The following OSBPL10 variants were observed in gnomAD, a reference collection of about 807,000 sequenced individuals.
OSBPL10 encodes the protein oxysterol binding protein like 10.
OSBPL10 carries 49 observed loss-of-function variants against 81.7 expected under a neutral mutation model. That is an observed-to-expected ratio of 0.60 (90% CI 0.48 to 0.76). The LOEUF is 0.76. Ranked by LOEUF, OSBPL10 falls within the 30% of genes least tolerant of loss-of-function variation. The pLI, the probability that OSBPL10 is intolerant of heterozygous loss-of-function variation, is 0.00. For synonymous variants in OSBPL10, 419 were observed against 383.6 expected (o/e 1.09, Z -1.08); for missense variants, 923 against 987.8 (o/e 0.93, Z 0.88).
intron 7 of OSBPL10, among the ~76,000 whole-genome samples, chr3:31,699,051 T>C (rs1695812340): frequency 6.6e-6 from 1 of 152,228 alleles, no homozygotes; most frequent in African/African-American, 2.4e-5. Flanking sequence ...AAATACATGT[T>C]ACATGAGTGA....
chr3:31,910,351 G>A (rs1696538318), intron 1 of OSBPL10, among the ~76,000 whole-genome samples: 1 of 151,970 alleles, frequency 6.6e-6, no homozygotes, highest in African/African-American at 2.4e-5. Context: ...TCAGAGTCAG[G>A]GGGCCGGGCG....
intron 4 of OSBPL10, among the ~76,000 whole-genome samples, chr3:31,810,415 G>C (rs2125474343): frequency 6.6e-6 from 1 of 151,700 alleles, no homozygotes; most frequent in East Asian, 1.9e-4. Flanking sequence ...AATAATCTTA[G>C]AGTGAAAAAA....
intron 4 of OSBPL10, among the ~76,000 whole-genome samples, chr3:31,767,457 T>C (rs1698234770): frequency 6.6e-6 from 1 of 152,222 alleles, no homozygotes; most frequent in Non-Finnish European, 1.5e-5. Context: ...CTTGAATTCC[T>C]GTCAGGTTAC....
At chr3:31,788,881 AAAT>A (rs1159576701) in intron 4 of OSBPL10, among the ~76,000 whole-genome samples, 1 of 152,230 alleles carries the variant, frequency 6.6e-6, no homozygotes, top group South Asian at 2.1e-4. Context: ...GAGGAAGAAA[AAAT>A]AAAACTCACC....
chr3:31,946,560 G>A (rs1285595849), intron 1 of OSBPL10, among the ~76,000 whole-genome samples: 3 of 152,186 alleles, frequency 2.0e-5, no homozygotes, highest in Non-Finnish European at 2.9e-5. Context: ...GGCGGACAGC[G>A]TGTGAACAGA....
chr3:31,786,274 A>G (rs570641009), intron 4 of OSBPL10, among the ~76,000 whole-genome samples: 7 of 152,318 alleles, frequency 4.6e-5, no homozygotes, highest in African/African-American at 1.4e-4. Context: ...TTTGGCCATG[A>G]AGCTTTCATT....
At chr3:32,022,007 T>C (rs1307535954) in intron 2 of OSBPL10, among the ~76,000 whole-genome samples, 1 of 151,956 alleles carries the variant, frequency 6.6e-6, no homozygotes, top group African/African-American at 2.4e-5. Flanking sequence ...ACAAAATATG[T>C]ATATTCTAGA....
At chr3:31,954,619 G>A (rs761865307) in intron 1 of OSBPL10, among the ~76,000 whole-genome samples, 12 of 152,106 alleles carry the variant, frequency 7.9e-5, no homozygotes, top group Admixed American at 5.9e-4. Context: ...TGCCTGGAGT[G>A]GGGAGGAGCA....
At chr3:31,748,343 C>A (rs1328394808) in intron 4 of OSBPL10, among the ~76,000 whole-genome samples, 1 of 152,134 alleles carries the variant, frequency 6.6e-6, no homozygotes, top group Non-Finnish European at 1.5e-5. Context: ...AACTTTCAAG[C>A]TAAAAGGGGC....
chr3:31,810,419 GA>G (rs562514691), intron 4 of OSBPL10, among the ~76,000 whole-genome samples: 2 of 151,250 alleles, frequency 1.3e-5, no homozygotes, highest in Non-Finnish European at 2.9e-5. Context: ...ATCTTAGAGT[GA>G]AAAAAATGTT....
At chr3:32,004,533 A>G (rs1289022357) in intron 2 of OSBPL10, among the ~76,000 whole-genome samples, 2 of 152,220 alleles carry the variant, frequency 1.3e-5, no homozygotes, top group African/African-American at 4.8e-5. Context: ...AGCCTTCAAG[A>G]TATCGGCTGG....
intron 5 of OSBPL10, among the ~76,000 whole-genome samples, chr3:31,743,039 T>G (rs1001845386): frequency 9.2e-5 from 13 of 141,474 alleles, no homozygotes; most frequent in African/African-American, 3.2e-4. Context: ...TAGTTTTTTT[T>G]TTTTTTTTTT....
Position 31,724,930 on chromosome 3 carries a change from C to T in OSBPL10, c.1095+8327G>A, listed in dbSNP as rs1489439886. ...CATAGAAGCACATCTTCAAATTCCA[C>T]GTCATCTCACAGATGGTCATCTCAA... is the stretch of plus-strand genomic sequence containing the variant. On this transcript the variant is annotated intron_variant, in intron 6 of 11. Transcript: ENST00000396556. Among the ~76,000 whole-genome samples, 6 of 152,274 alleles carry T rather than the reference C, an allele frequency of 3.9e-5. No individual in the cohort carries two copies. In the East Asian group the frequency reaches 1.2e-3, roughly 29 times the overall value.
intron 1 of OSBPL10, among the ~76,000 whole-genome samples, chr3:31,886,055 G>A (rs1049650492): frequency 6.7e-6 from 1 of 150,186 alleles, no homozygotes. Context: ...GGGGTGGGGG[G>A]CTGCAGTGGG....
At chr3:31,664,340 C>G in intron 10 of OSBPL10, 108 bp from the exon 11 acceptor site, 1 of 1,158,202 alleles carries the variant, frequency 8.6e-7, no homozygotes, top group Non-Finnish European at 1.2e-6. Context: ...AGGCAAGCCC[C>G]CTCTGGGGTA....
intron 4 of OSBPL10, among the ~76,000 whole-genome samples, chr3:31,813,982 C>T (rs1476879710): frequency 1.3e-5 from 2 of 152,208 alleles, no homozygotes; most frequent in South Asian, 2.1e-4. Flanking sequence ...TCCCTGTCCA[C>T]GGCTTAAACA....
intron 6 of OSBPL10, among the ~76,000 whole-genome samples, chr3:31,727,692 T>A (rs1696851420): frequency 1.3e-5 from 2 of 152,212 alleles, no homozygotes; most frequent in Admixed American, 6.5e-5. Flanking sequence ...AACAAACTTA[T>A]AAGATTGAAA....
rs537281533 is a variant in OSBPL10, at chr3:31,868,093, A to G, written c.537+8340T>C. ...AAAGACGGGCAGGACGGACCTCCAA[A>G]TGGAGTCATGTGTCTCTCTGCATTT... On this transcript the variant is annotated intron_variant, in intron 3 of 11. Coordinates refer to ENST00000396556, the MANE Select transcript of OSBPL10 (RefSeq NM_017784.5). Among the ~76,000 whole-genome samples, 51 of 151,942 alleles carry G rather than the reference A, an allele frequency of 3.4e-4. No homozygotes were observed. In the South Asian group the frequency reaches 0.01, roughly 31 times the overall value.
chr3:31,710,961 C>A (rs896041980), intron 6 of OSBPL10: 1 of 152,276 alleles, frequency 6.6e-6, no homozygotes, highest in Admixed American at 6.5e-5. Context: ...ACATTAGATA[C>A]TGAAGATAGA....
Sources: gnomAD v4.1 joint callset for allele counts (sites outside exome capture counted in the v4.1 genomes callset) on GRCh38, gnomAD v4.1.1 for gene constraint, MANE v1.5 for transcripts, NCBI Gene and HGNC (gene_info 2026-07-23, HGNC 2026-07-21) for gene names.